The following MMS22L variants were observed in gnomAD, a reference collection of about 807,000 sequenced individuals.
MMS22L encodes protein MMS22-like.
Under a neutral mutation model 159.1 loss-of-function variants are expected in MMS22L, and 74 were observed. That is an observed-to-expected ratio of 0.47 (90% CI 0.39 to 0.56). MMS22L has a LOEUF of 0.56. Ranked by LOEUF, MMS22L falls within the 20% of genes least tolerant of loss-of-function variation. The pLI is 0.00. For synonymous variants in MMS22L, 517 were observed against 506.9 expected, an observed-to-expected ratio of 1.02 and a Z score of -0.27; for missense variants, 1,351 against 1,422.1, an observed-to-expected ratio of 0.95 and a Z score of 0.80.
chr6:97,204,115 T>C (rs1295064790), intron 14 of MMS22L, among the ~76,000 whole-genome samples: 1 of 152,126 alleles, frequency 6.6e-6, no homozygotes, highest in East Asian at 1.9e-4. Flanking sequence ...ATAGAAAAAG[T>C]TGTTGTTGTT....
chr6:97,179,304 G>A (rs1039485803), intron 17 of MMS22L, 104 bp downstream of exon 17: 15 of 981,536 alleles, frequency 1.5e-5, no homozygotes, highest in East Asian at 2.7e-5. Context: ...ACCCAATTAC[G>A]AATATTTTGT....
intron 8 of MMS22L, chr6:97,265,358 T>C (rs907480366): frequency 2.6e-5 from 4 of 151,990 alleles, no homozygotes; most frequent in African/African-American, 9.7e-5. Flanking sequence ...CAACTCAAAA[T>C]AAATTAAAGA....
intron 14 of MMS22L, among the ~76,000 whole-genome samples, chr6:97,192,063 G>A (rs747448251): frequency 6.6e-6 from 1 of 152,094 alleles, no homozygotes. Context: ...AACCAGGCTG[G>A]CAAGTAGCAT....
chr6:97,199,143 C>G (rs1806862551), intron 14 of MMS22L, among the ~76,000 whole-genome samples: 1 of 152,132 alleles, frequency 6.6e-6, no homozygotes, highest in East Asian at 1.9e-4. Context: ...TGGTTAGTGG[C>G]TATATGCTAT....
At position 97,192,167 on chromosome 6, in the gene MMS22L, CGGATGGATGGATGGATGGAT is replaced by C. The variant is rs111699319; in HGVS notation, c.2040-5497_2040-5478del. Among the ~76,000 whole-genome samples, 668 of 148,486 alleles carry C rather than the reference CGGATGGATGGATGGATGGAT, an allele frequency of 4.5e-3. 8 individuals carry two copies. The highest frequency in any genetic ancestry group is 0.016 in the African/African-American group (631 of 40,292). On this transcript the variant is annotated intron_variant, in intron 14 of 24. Coordinates refer to ENST00000683635, the MANE Select transcript of MMS22L (RefSeq NM_001350599.2). ...GAGGAGGGGGTAAGTAGGTGGTAGA[CGGATGGATGGATGGATGGAT>C]GGATGGATGGATGGATGGATGGATG... is the stretch of plus-strand genomic sequence containing the variant.
At chr6:97,216,082 T>A (rs1207479107) in intron 14 of MMS22L, among the ~76,000 whole-genome samples, 2 of 152,210 alleles carry the variant, frequency 1.3e-5, no homozygotes, top group African/African-American at 4.8e-5. Context: ...CTCACCTTTT[T>A]CCACAAGGCG....
chr6:97,160,205 T>C (rs930685824), intron 22 of MMS22L, among the ~76,000 whole-genome samples: 1 of 152,134 alleles, frequency 6.6e-6, no homozygotes, highest in African/African-American at 2.4e-5. Flanking sequence ...TAGAATTCTT[T>C]TGTGTGTTAT....
At position 97,267,934 on chromosome 6, in the gene MMS22L, C is replaced by G; in HGVS notation, c.766G>C (p.Glu256Gln). The part of the protein sequence containing the change: ...SDNLTNISLF[E>Q]EHCETLLCDL... ...CAAAGGAGAGTTTCACAATGTTCTT[C>G]AAATAGGCTGATGTTGGTTAAATTG... Residue 256 changes from glutamate (E) to glutamine (Q), a missense_variant, in exon 8 of 25, where the codon GAA becomes CAA. Coordinates refer to ENST00000683635, the MANE Select transcript of MMS22L (RefSeq NM_001350599.2). 6.2e-7 allele frequency: 1 copy of G among 1,609,666 alleles called. No homozygotes were observed. Among genetic ancestry groups the G allele is most frequent in the Non-Finnish European group, 8.5e-7 (1 of 1,178,500 alleles).
chr6:97,179,672 T>C (rs530626288), intron 16 of MMS22L, 113 bp from the exon 17 acceptor site: 1 of 896,130 alleles, frequency 1.1e-6, no homozygotes, highest in South Asian at 2.9e-5. Flanking sequence ...CCTCATTGAT[T>C]TTTCAGACAA....
At chr6:97,262,489 A>G (rs1814587393) in intron 9 of MMS22L, among the ~76,000 whole-genome samples, 1 of 151,896 alleles carries the variant, frequency 6.6e-6, no homozygotes, top group Non-Finnish European at 1.5e-5. Flanking sequence ...TACCAAAAAT[A>G]CAAAAATTAG....
rs1800925843 is a variant in MMS22L at position 97,146,325 on chromosome 6, G to A, written c.*481C>T. 6.6e-6 allele frequency: 1 copy of A among 152,244 alleles called. No individual in the cohort carries two copies. The highest frequency in any genetic ancestry group is 1.9e-4 in the East Asian group (1 of 5,196). The allele number at this position is 152,244 out of a possible 1,614,324, so 9.4% of individuals were successfully genotyped here. A position where few individuals can be genotyped will look rare whatever the true frequency, so the allele number is the denominator to read the frequency against. The stretch of plus-strand genomic sequence containing the variant: ...TATAAAAAAGAAAAACAAATACACA[G>A]TCACATTTCCCAACACCTTTCCCCC... On this transcript the variant is annotated 3_prime_UTR_variant, in exon 25 of 25. Transcript: ENST00000683635.
At chr6:97,204,277 A>G (rs570760408) in intron 14 of MMS22L, among the ~76,000 whole-genome samples, 1 of 152,316 alleles carries the variant, frequency 6.6e-6, no homozygotes, top group South Asian at 2.1e-4. Context: ...ACATCTTAGT[A>G]TCTATTACTA....
intron 14 of MMS22L, among the ~76,000 whole-genome samples, chr6:97,214,934 TGAG>T (rs1808826166): frequency 6.6e-6 from 1 of 151,030 alleles, no homozygotes; most frequent in Non-Finnish European, 1.5e-5. Context: ...CCAACCCAGT[TGAG>T]GCCCCCTGAA....
rs764447370 is a variant in MMS22L at position 97,254,631 on chromosome 6, C to A, written c.1045G>T (p.Gly349Cys). The A allele has an allele frequency of 3.1e-6, 5 of 1,613,536 alleles. No individual in the cohort carries two copies. The South Asian group carries it at 4.4e-5, about 14-fold the overall frequency. ...TGAGTAATAATCCACCAACTAAAAC[C>A]TAATGGATCCCTGGACTGGATTACA... is the stretch of plus-strand genomic sequence containing the variant. The part of the protein sequence containing the change: ...MPVIQSRDPL[G>C]FSWWIITHVA... The change falls in exon 10 of 25, where the codon GGT (glycine) becomes TGT (cysteine). Residue 349 changes from glycine to cysteine, a missense_variant. Transcript: ENST00000683635.
At chr6:97,269,093 C>T (rs948356647) in intron 7 of MMS22L, among the ~76,000 whole-genome samples, 31 of 151,350 alleles carry the variant, frequency 2.0e-4, no homozygotes, top group African/African-American at 7.5e-4. Context: ...TAAACTCCTA[C>T]TAAAAAAAGA....
At chr6:97,258,926 C>T (rs765977788) in intron 9 of MMS22L, 4 of 152,122 alleles carry the variant, frequency 2.6e-5, no homozygotes, top group African/African-American at 4.8e-5. Flanking sequence ...ATTGAGTGCA[C>T]CTTTCATACA....
chr6:97,222,468 T>C (rs1465327754), intron 14 of MMS22L, among the ~76,000 whole-genome samples: 2 of 152,094 alleles, frequency 1.3e-5, no homozygotes, highest in African/African-American at 4.8e-5. Flanking sequence ...TTAGGCAAGT[T>C]CTCAACTGCC....
intron 8 of MMS22L, chr6:97,265,377 T>G (rs1304700977): frequency 6.6e-6 from 1 of 152,142 alleles, no homozygotes; most frequent in Admixed American, 6.5e-5. Context: ...GACTTAAATG[T>G]AAGACCTGAA....
In MMS22L at chr6:97,229,110, A is replaced by C; in HGVS notation, c.1823T>G (p.Val608Gly). 6.2e-7 allele frequency: 1 copy of C among 1,614,092 alleles called. No individual in the cohort carries two copies. The highest frequency in any genetic ancestry group is 8.5e-7 in the Non-Finnish European group (1 of 1,179,940). ...AFREKAKEFL[V>G]SKNEEMVQRQ... ...CTGTACCATTTCCTCATTCTTAGAC[A>C]CCAAGAATTCCTTTGCTTTCTCCCG... is the stretch of plus-strand genomic sequence containing the variant. The change falls in exon 14 of 25, where the codon GTG (valine) becomes GGG (glycine). Residue 608 changes from valine to glycine, a missense_variant. Coordinates refer to ENST00000683635, the MANE Select transcript of MMS22L (RefSeq NM_001350599.2).
Sources: allele counts gnomAD v4.1 joint callset (sites outside exome capture counted in the v4.1 genomes callset), GRCh38; gene constraint gnomAD v4.1.1; transcripts MANE v1.5; gene names NCBI Gene and HGNC (gene_info 2026-07-23, HGNC 2026-07-21).